Variants in HSPA12A observed in about 807,000 individuals in gnomAD.
The protein encoded by HSPA12A is heat shock protein family A (Hsp70) member 12A, also known as heat shock 70 kDa protein 12A.
A neutral mutation model predicts 69.2 loss-of-function variants in HSPA12A; 28 were observed. That is an observed-to-expected ratio of 0.40 (90% confidence interval 0.30 to 0.55). The LOEUF (loss-of-function observed/expected upper bound fraction) is 0.55. HSPA12A is among the 20% of genes least tolerant of loss of function. The pLI is 0.38. For synonymous variants in HSPA12A, 345 were observed against 370.5 expected (o/e 0.93, Z 0.79); for missense variants, 686 against 900.7 (o/e 0.76, Z 3.05).
At chr10:116,833,754 C>T (rs1483553436) in intron 2 of HSPA12A, among the ~76,000 whole-genome samples, 1 of 152,200 alleles carries the variant, frequency 6.6e-6, no homozygotes, top group Non-Finnish European at 1.5e-5. Context: ...TCTCCTTAAG[C>T]AATTTTATTA....
intron 2 of HSPA12A, among the ~76,000 whole-genome samples, chr10:116,748,014 T>C (rs1260094813): frequency 6.6e-6 from 1 of 151,924 alleles, no homozygotes; most frequent in Non-Finnish European, 1.5e-5. Context: ...AAATAAAAAA[T>C]AAATAAATAA....
chr10:116,782,140 C>T (rs1844476834), intron 2 of HSPA12A, among the ~76,000 whole-genome samples: 1 of 152,208 alleles, frequency 6.6e-6, no homozygotes, highest in Admixed American at 6.5e-5. Context: ...TGCTCAACCT[C>T]AGCTGTGACC....
At chr10:116,843,974 T>C (rs1441139984) in intron 1 of HSPA12A, among the ~76,000 whole-genome samples, 2 of 152,166 alleles carry the variant, frequency 1.3e-5, no homozygotes, top group African/African-American at 4.8e-5. Flanking sequence ...GAACCAATGA[T>C]CAAGACACCA....
rs1484348873 is a variant in HSPA12A, at chr10:116,723,458, G to A, written c.41-16173C>T. On this transcript the variant is annotated intron_variant, in intron 1 of 11. Coordinates refer to ENST00000369209, the MANE Select transcript of HSPA12A (RefSeq NM_025015.3). The surrounding 1 kb of genome is among the most constrained non-coding windows in gnomAD (Gnocchi z 4.1). Reference sequence around the variant, plus strand: ...GACCCCGAATGAGCTGGGTTCTGGGGCAACACCCAGTTCCACCCTCACCAG... The same window carrying A: ...GACCCCGAATGAGCTGGGTTCTGGGACAACACCCAGTTCCACCCTCACCAG... Among the ~76,000 whole-genome samples the A allele has an allele frequency of 6.6e-6, 1 of 152,164 alleles. No individual in the cohort carries two copies. Among genetic ancestry groups the A allele is most frequent in the Non-Finnish European group, 1.5e-5 (1 of 68,024 alleles).
chr10:116,675,319 G>A lies in HSPA12A; in HGVS notation c.1490C>T (p.Ala497Val). ...GATGATCCGGCACTGGTCCCCAAAA[G>A]CAGCCTGCACCGCCTGCTGCAGCAG... ...APLLQQAVQA[A>V]FGDQCRIIIP... The change falls in exon 12 of 12, where the codon GCT (alanine) becomes GTT (valine). Residue 497 changes from alanine (A) to valine (V), a missense_variant. Physicochemically the swap from Ala to Val is moderately conservative, Grantham distance 64. Transcript: ENST00000369209. The surrounding 1 kb of genome is among the most constrained non-coding windows in gnomAD (Gnocchi z 5.2). 6.2e-7 allele frequency: 1 copy of A among 1,613,148 alleles called. No individual in the cohort carries two copies. The highest frequency in any genetic ancestry group is 8.5e-7 in the Non-Finnish European group (1 of 1,180,002).
At chr10:116,823,270 C>T (rs1393189149) in intron 2 of HSPA12A, among the ~76,000 whole-genome samples, 6 of 152,110 alleles carry the variant, frequency 3.9e-5, no homozygotes, top group African/African-American at 1.4e-4. Flanking sequence ...AATTTATTCT[C>T]TGAAAACTAT....
At chr10:116,814,786 C>G (rs1191401469) in intron 2 of HSPA12A, among the ~76,000 whole-genome samples, 1 of 152,208 alleles carries the variant, frequency 6.6e-6, no homozygotes, top group East Asian at 1.9e-4. Context: ...TCATCTTTCA[C>G]CACCATCACC....
At chr10:116,754,140 G>T (rs1157381565) in intron 2 of HSPA12A, among the ~76,000 whole-genome samples, 1 of 152,220 alleles carries the variant, frequency 6.6e-6, no homozygotes, top group Admixed American at 6.5e-5. Context: ...CTGCTCCACC[G>T]AAGTCCTTCC....
At chr10:116,844,617 A>C (rs1303338982) in intron 1 of HSPA12A, among the ~76,000 whole-genome samples, 1 of 152,222 alleles carries the variant, frequency 6.6e-6, no homozygotes, top group Non-Finnish European at 1.5e-5. Context: ...AGATGAGGAA[A>C]AAGCAACATC....
upstream of HSPA12A, among the ~76,000 whole-genome samples, chr10:116,743,684 G>A (rs1288869261): frequency 6.6e-6 from 1 of 151,060 alleles, no homozygotes; most frequent in Admixed American, 6.6e-5. Flanking sequence ...CTGGATGACG[G>A]AGTGGGCAGA....
chr10:116,675,904 A>G lies in HSPA12A; in HGVS notation c.1391-486T>C, dbSNP rs914047155. Among the ~76,000 whole-genome samples the G allele has an allele frequency of 3.9e-5, 6 of 152,160 alleles. No individual in the cohort carries two copies. Among genetic ancestry groups the G allele is most frequent in the African/African-American group, 1.4e-4 (6 of 41,426 alleles). On this transcript the variant is annotated intron_variant, in intron 11 of 11. Coordinates refer to ENST00000369209, the MANE Select transcript of HSPA12A (RefSeq NM_025015.3). The surrounding 1 kb of genome is among the most constrained non-coding windows in gnomAD (Gnocchi z 5.2). ...GTACTGCCACCAATGTAGCAGGAAA[A>G]TGACATAGCCAGATTCCATTTGCTT...
chr10:116,839,546 C>A (rs1419723851), intron 1 of HSPA12A, among the ~76,000 whole-genome samples: 1 of 141,504 alleles, frequency 7.1e-6, no homozygotes, highest in African/African-American at 2.7e-5. Context: ...GAAAGAGATG[C>A]ACTTTAGTAA....
chr10:116,755,820 A>T (rs1554888722), intron 2 of HSPA12A, among the ~76,000 whole-genome samples: 1 of 150,910 alleles, frequency 6.6e-6, no homozygotes, highest in Non-Finnish European at 1.5e-5. Flanking sequence ...AAAAAAAAAA[A>T]AATACAAAAA....
At chr10:116,785,386 G>A (rs914252065) in intron 2 of HSPA12A, among the ~76,000 whole-genome samples, 5 of 152,088 alleles carry the variant, frequency 3.3e-5, no homozygotes, top group Admixed American at 6.5e-5. Flanking sequence ...ATGGCAGCCC[G>A]GGGACAGAGA....
chr10:116,682,140 T>C (rs558359246), intron 7 of HSPA12A, among the ~76,000 whole-genome samples: 10 of 152,188 alleles, frequency 6.6e-5, no homozygotes, highest in South Asian at 2.1e-4. Context: ...ACAACAACCC[T>C]TGGAATTAGG....
chr10:116,788,255 G>A (rs566851624), intron 2 of HSPA12A, among the ~76,000 whole-genome samples: 2 of 152,316 alleles, frequency 1.3e-5, no homozygotes, highest in South Asian at 2.1e-4. Flanking sequence ...TGGTGGTGGA[G>A]CTGGTGAACT....
At chr10:116,774,298 C>T (rs1408343510) in intron 2 of HSPA12A, among the ~76,000 whole-genome samples, 1 of 152,102 alleles carries the variant, frequency 6.6e-6, no homozygotes, top group Non-Finnish European at 1.5e-5. Context: ...CGTGAGCCAC[C>T]GCGCCCGGCC....
chr10:116,733,075 A>C (rs1484412698), intron 1 of HSPA12A, among the ~76,000 whole-genome samples: 1 of 152,162 alleles, frequency 6.6e-6, no homozygotes, highest in Non-Finnish European at 1.5e-5. Context: ...ACCCAAACTG[A>C]TAACCATCAT....
In HSPA12A at chr10:116,675,809, A is replaced by G. The variant is rs79027727; in HGVS notation, c.1391-391T>C. ...CATAAAAATCCCATTCCACTCCTAG[A>G]GAGTCTGATTTGGTAGGCGGGGGAC... On this transcript the variant is annotated intron_variant, in intron 11 of 11. Coordinates refer to ENST00000369209, the MANE Select transcript of HSPA12A (RefSeq NM_025015.3). The surrounding 1 kb of genome is among the most constrained non-coding windows in gnomAD (Gnocchi z 5.2). Among the ~76,000 whole-genome samples, 7,184 of 152,266 alleles carry G rather than the reference A, an allele frequency of 0.047. 272 individuals are homozygous for G. Among genetic ancestry groups the G allele is most frequent in the East Asian group, 0.2 (1,045 of 5,162 alleles).
Sources: gnomAD v4.1 joint callset for allele counts (sites outside exome capture counted in the v4.1 genomes callset) on GRCh38, gnomAD v4.1.1 for gene constraint, Gnocchi (gnomAD v3.1) non-coding constraint, MANE v1.5 for transcripts, NCBI Gene and HGNC (gene_info 2026-07-23, HGNC 2026-07-21) for gene names.